Variants in ADAM18 observed in about 807,000 individuals in gnomAD.
ADAM18 encodes the protein ADAM metallopeptidase domain 18.
Under a neutral mutation model 94.4 loss-of-function variants are expected in ADAM18, and 117 were observed. The observed-to-expected ratio is 1.24, with a 90% CI of 1.07 to 1.45. ADAM18 has a LOEUF of 1.45. Ranked by LOEUF, ADAM18 falls within the 40% of genes most tolerant of loss-of-function variation. The pLI, the probability that ADAM18 is intolerant of heterozygous loss-of-function variation, is 0.00. For synonymous variants in ADAM18, 327 were observed against 291.6 expected (o/e 1.12, Z -1.24); for missense variants, 936 against 880.0 (o/e 1.06, Z -0.81).
At chr8:39,588,252 A>T (rs1250896370) in intron 2 of ADAM18, among the ~76,000 whole-genome samples, 1 of 150,146 alleles carries the variant, frequency 6.7e-6, no homozygotes, top group Non-Finnish European at 1.5e-5. Flanking sequence ...TTTTAACAAA[A>T]CCCATTATAA....
At chr8:39,702,217 A>G (rs1026248303) in intron 17 of ADAM18, among the ~76,000 whole-genome samples, 1 of 152,058 alleles carries the variant, frequency 6.6e-6, no homozygotes, top group East Asian at 1.9e-4. Context: ...TGTGGTCTTG[A>G]TTTTTATTTC....
At chr8:39,587,315 A>C (rs1373855193) in intron 2 of ADAM18, among the ~76,000 whole-genome samples, 2 of 152,252 alleles carry the variant, frequency 1.3e-5, no homozygotes, top group African/African-American at 2.4e-5. Context: ...GTTATACAGC[A>C]TATCTCTAGA....
chr8:39,620,995 C>T (rs1819599026), intron 6 of ADAM18, among the ~76,000 whole-genome samples: 1 of 151,916 alleles, frequency 6.6e-6, no homozygotes, highest in Non-Finnish European at 1.5e-5. Context: ...AAATTATGTA[C>T]ATTTATATGC....
intron 12 of ADAM18, among the ~76,000 whole-genome samples, chr8:39,661,575 A>G (rs758889880): frequency 1.1e-4 from 16 of 151,710 alleles, no homozygotes; most frequent in Non-Finnish European, 1.9e-4. Flanking sequence ...TTCCTTTAGG[A>G]CTATTGGGTT....
intron 19 of ADAM18, among the ~76,000 whole-genome samples, chr8:39,726,763 C>T (rs902769070): frequency 5.3e-5 from 8 of 152,038 alleles, no homozygotes; most frequent in African/African-American, 1.9e-4. Flanking sequence ...TACATGGCAC[C>T]TTAGGGTGAA....
intron 6 of ADAM18, among the ~76,000 whole-genome samples, chr8:39,620,633 C>A (rs934618348): frequency 2.1e-5 from 3 of 144,866 alleles, no homozygotes; most frequent in African/African-American, 7.5e-5. Flanking sequence ...ATATATATAA[C>A]ATATATTTAT....
intron 18 of ADAM18, among the ~76,000 whole-genome samples, chr8:39,723,183 A>G (rs1284068586): frequency 6.6e-6 from 1 of 151,388 alleles, no homozygotes; most frequent in Non-Finnish European, 1.5e-5. Flanking sequence ...AAAAAAACAA[A>G]GGTAATAATA....
chr8:39,612,606 C>T lies in ADAM18; in HGVS notation c.522+1900C>T, dbSNP rs998202475. Among the ~76,000 whole-genome samples the T allele has an allele frequency of 1.3e-5, 2 of 152,224 alleles. 1 individual carries two copies. Among genetic ancestry groups the T allele is most frequent in the South Asian group, 4.1e-4 (2 of 4,820 alleles). On this transcript the variant is annotated intron_variant, in intron 6 of 19. Transcript: ENST00000265707. ...TCATACCCCAAGGCTCTTCACACTC[C>T]TCTAGGTGGCTTTGGTTTTTGTTGA... is the stretch of plus-strand genomic sequence containing the variant.
chr8:39,617,777 A>G (rs542311611), intron 6 of ADAM18, among the ~76,000 whole-genome samples: 3 of 150,006 alleles, frequency 2.0e-5, no homozygotes, highest in South Asian at 4.3e-4. Flanking sequence ...GATAAGTGGG[A>G]GGTAAACATC....
chr8:39,650,062 G>A (rs192413788), intron 12 of ADAM18, among the ~76,000 whole-genome samples: 54 of 152,158 alleles, frequency 3.5e-4, no homozygotes, highest in Admixed American at 9.8e-4. Context: ...TACAGAAAAC[G>A]TTTGTTAATC....
At chr8:39,587,280 G>A (rs1818433032) in intron 2 of ADAM18, among the ~76,000 whole-genome samples, 2 of 152,156 alleles carry the variant, frequency 1.3e-5, no homozygotes, top group Admixed American at 6.5e-5. Flanking sequence ...GTGCACAATG[G>A]TGTATCGTTA....
intron 6 of ADAM18, among the ~76,000 whole-genome samples, chr8:39,615,716 A>G (rs1819419322): frequency 6.6e-6 from 1 of 152,176 alleles, no homozygotes; most frequent in Non-Finnish European, 1.5e-5. Flanking sequence ...CACCAGAGCA[A>G]TCACGTAAGA....
intron 17 of ADAM18, among the ~76,000 whole-genome samples, chr8:39,706,231 T>A (rs994066480): frequency 6.6e-6 from 1 of 152,128 alleles, no homozygotes; most frequent in Non-Finnish European, 1.5e-5. Context: ...GATTGTTGAT[T>A]TATAATATTT....
intron 17 of ADAM18, among the ~76,000 whole-genome samples, chr8:39,701,834 G>A (rs182306749): frequency 1.3e-5 from 2 of 152,052 alleles, no homozygotes; most frequent in African/African-American, 4.8e-5. Context: ...CTTTTTATGG[G>A]TGCATAGTAT....
chr8:39,607,823 TTC>T (rs1819137923), intron 3 of ADAM18, among the ~76,000 whole-genome samples: 1 of 151,990 alleles, frequency 6.6e-6, no homozygotes, highest in African/African-American at 2.4e-5. Context: ...GTTTTTTTTT[TTC>T]CCCCTAGCTA....
chr8:39,622,669 T>C (rs1819647478), intron 6 of ADAM18, among the ~76,000 whole-genome samples: 1 of 152,122 alleles, frequency 6.6e-6, no homozygotes, highest in Non-Finnish European at 1.5e-5. Context: ...TCAAACTTAT[T>C]AATTTTTCAT....
chr8:39,601,835 C>T (rs1317895486), intron 2 of ADAM18, among the ~76,000 whole-genome samples: 2 of 152,036 alleles, frequency 1.3e-5, no homozygotes, highest in African/African-American at 4.8e-5. Flanking sequence ...CCTTGATGGC[C>T]TTCCCCAGCC....
Position 39,630,610 on chromosome 8 carries a change from A to G in ADAM18, c.588+1171A>G, listed in dbSNP as rs527374617. Among the ~76,000 whole-genome samples the G allele has an allele frequency of 6.0e-4, 91 of 151,996 alleles. No homozygotes were observed. The Middle Eastern group carries it at 0.01, about 17-fold the overall frequency. ...TATAATGTCTTTAAGATTTATTCAC[A>G]TTGTTGCCCATAACAGTAGTTTATT... On this transcript the variant is annotated intron_variant, in intron 7 of 19. Transcript: ENST00000265707.
chr8:39,615,216 C>T (rs1280582475), intron 6 of ADAM18, among the ~76,000 whole-genome samples: 2 of 148,988 alleles, frequency 1.3e-5, no homozygotes, highest in African/African-American at 4.9e-5. Context: ...TAATGCAATT[C>T]TCAACAAATT....
Sources: allele counts gnomAD v4.1 joint callset (sites outside exome capture counted in the v4.1 genomes callset), GRCh38; gene constraint gnomAD v4.1.1; transcripts MANE v1.5; gene names NCBI Gene and HGNC (gene_info 2026-07-23, HGNC 2026-07-21).